The following PTMS variants were observed in gnomAD, a reference collection of about 807,000 sequenced individuals.
The protein encoded by PTMS is parathymosin.
In PTMS, 5 loss-of-function variants were observed where a neutral mutation model predicts 18.4. That is an observed-to-expected ratio of 0.27 (90% CI 0.14 to 0.57). PTMS has a LOEUF of 0.57. PTMS is among the 20% of genes least tolerant of loss of function. PTMS has a pLI of 0.92. For synonymous variants in PTMS, 53 were observed against 47.7 expected, an observed-to-expected ratio of 1.11 and a Z score of -0.46; for missense variants, 93 against 124.6, an observed-to-expected ratio of 0.75 and a Z score of 1.21.
In PTMS at chr12:6,770,755, A is replaced by C; in HGVS notation, c.*313A>C. On this transcript the variant is annotated 3_prime_UTR_variant, in exon 5 of 5. Coordinates refer to ENST00000309083, the MANE Select transcript of PTMS (RefSeq NM_002824.6). The surrounding 1 kb of genome is among the most constrained non-coding windows in gnomAD (Gnocchi z 7.3). ...CATTCTTCCTCCGGTAGCCTCTCCC[A>C]CCTAACCTCTGCATCCCCCAGCCTC... 2.2e-6 allele frequency: 1 copy of C among 445,610 alleles called. No homozygotes were observed. Among genetic ancestry groups the C allele is most frequent in the Non-Finnish European group, 4.2e-6 (1 of 240,290 alleles). 27.6% of individuals were successfully genotyped at this position (445,610 alleles called of 1,614,324 possible).
In PTMS at chr12:6,770,554, G is replaced by C. The variant is rs1941825799; in HGVS notation, c.*112G>C. On this transcript the variant is annotated 3_prime_UTR_variant, in exon 5 of 5. Transcript: ENST00000309083. The surrounding 1 kb of genome is among the most constrained non-coding windows in gnomAD (Gnocchi z 7.3). ...GCTCCCTGCTCTGGGCCCTGCACCA[G>C]AGCTGCCACCCTCTTCTTTCTCCCC... 1 of 1,265,108 alleles carries C rather than the reference G, an allele frequency of 7.9e-7. No individual in the cohort carries two copies. Among genetic ancestry groups the C allele is most frequent in the African/African-American group, 1.5e-5 (1 of 67,530 alleles). The allele number at this position is 1,265,108 out of a possible 1,614,324, so 78.4% of individuals were successfully genotyped here.
At chr12:6,769,727 A>C in intron 2 of PTMS, 53 bp downstream of exon 2, 1 of 1,607,948 alleles carries the variant, frequency 6.2e-7, no homozygotes, top group Non-Finnish European at 8.5e-7. Flanking sequence ...TTCCCTCCCA[A>C]TCATCTCATC....
chr12:6,769,180 A>G (rs971309710), intron 1 of PTMS: 3 of 244,048 alleles, frequency 1.2e-5, no homozygotes, highest in Admixed American at 5.7e-5. Flanking sequence ...CCCCAGAGGT[A>G]GACAAAAGGC....
chr12:6,767,558 T>TG (rs1423748090), intron 1 of PTMS: 1 of 103,234 alleles, frequency 9.7e-6, no homozygotes, highest in African/African-American at 4.0e-5. Context: ...GGCCGGGGTT[T>TG]GGGGGCTGGG....
Position 6,766,507 on chromosome 12 carries a change from C to T in PTMS, c.-199C>T. 3 of 236,970 alleles carry T rather than the reference C, an allele frequency of 1.3e-5. No homozygotes were observed. Among genetic ancestry groups the T allele is most frequent in the South Asian group, 3.7e-5 (1 of 27,052 alleles). The allele number at this position is 236,970 out of a possible 1,614,324, so 14.7% of individuals were successfully genotyped here. A position where few individuals can be genotyped will look rare whatever the true frequency, so the allele number is the denominator to read the frequency against. The stretch of plus-strand genomic sequence containing the variant: ...CAGCCCTGCGGGTCTCCGCTCCAGA[C>T]CCACCCCCGCCCCACCCCGCGCGCC... On this transcript the variant is annotated 5_prime_UTR_variant, in exon 1 of 5. Transcript: ENST00000309083.
chr12:6,768,172 A>G (rs1460745276), intron 1 of PTMS, among the ~76,000 whole-genome samples: 2 of 152,174 alleles, frequency 1.3e-5, no homozygotes, highest in Non-Finnish European at 2.9e-5. Context: ...CGGCCCCTTG[A>G]ACTTTGGTCT....
Position 6,769,816 on chromosome 12 carries a change from GC to G in PTMS, c.118-102del, listed in dbSNP as rs755762459. 3 of 1,607,868 alleles carry G rather than the reference GC, an allele frequency of 1.9e-6. No homozygotes were observed. The African/African-American group carries it at 4.0e-5, about 22-fold the overall frequency. ...GTCACCCTTGCTGCCCCACCCTGTG[GC>G]CCATCCCAAGCCCTTTTATCACCCA... is the stretch of plus-strand genomic sequence containing the variant. On this transcript the variant is annotated intron_variant, in intron 2 of 4. Transcript: ENST00000309083.
chr12:6,769,735 A>G, intron 2 of PTMS, 61 bp downstream of exon 2: 1 of 1,598,186 alleles, frequency 6.3e-7, no homozygotes, highest in African/African-American at 1.3e-5. Flanking sequence ...CAATCATCTC[A>G]TCCTTCCTCT....
At chr12:6,767,605 G>T (rs1218067449) in intron 1 of PTMS, 1 of 138,292 alleles carries the variant, frequency 7.2e-6, no homozygotes, top group African/African-American at 2.7e-5. Flanking sequence ...TGGCGGGGGG[G>T]GGGGGCGCGG....
rs1344566156 is a variant in PTMS, at chr12:6,766,374, G to C, written c.-332G>C. Reference sequence around the variant, plus strand: ...TTCCCGGGGGCGGCAGCGGCTGGTCGGCGGCAGCTCTGCTGGTGCGGGGGC... The same window carrying C: ...TTCCCGGGGGCGGCAGCGGCTGGTCCGCGGCAGCTCTGCTGGTGCGGGGGC... On this transcript the variant is annotated 5_prime_UTR_variant, in exon 1 of 5. Coordinates refer to ENST00000309083, the MANE Select transcript of PTMS (RefSeq NM_002824.6). The C allele has an allele frequency of 6.5e-6, 1 of 154,784 alleles. No homozygotes were observed. The highest frequency in any genetic ancestry group is 1.4e-5 in the Non-Finnish European group (1 of 69,874). The allele number at this position is 154,784 out of a possible 1,614,324, so 9.6% of individuals were successfully genotyped here. A position where few individuals can be genotyped will look rare whatever the true frequency, so the allele number is the denominator to read the frequency against.
At chr12:6,767,122 G>C (rs1882551) in intron 1 of PTMS, 30,764 of 152,598 alleles carry the variant, frequency 0.2, 3,447 homozygotes, top group East Asian at 0.27. Context: ...CCGCGTCTTT[G>C]CTTGCAACCT....
At position 6,769,609 on chromosome 12, in the gene PTMS, AAGG is replaced by A. The variant is rs1406800152; in HGVS notation, c.55_57del (p.Glu19del). On this transcript the variant is annotated inframe_deletion, in exon 2 of 5. Coordinates refer to ENST00000309083, the MANE Select transcript of PTMS (RefSeq NM_002824.6). The stretch of plus-strand genomic sequence containing the variant: ...ACCTCTTTCTCCTTTGCAGGACCTG[AAGG>A]AGAAGAAGGAGAAGGTGGAGGAGAA... 6.2e-7 allele frequency: 1 copy of A among 1,614,124 alleles called. No homozygotes were observed. The highest frequency in any genetic ancestry group is 8.5e-7 in the Non-Finnish European group (1 of 1,179,996).
rs1941826014 is a variant in PTMS at position 6,770,574 on chromosome 12, C to G, written c.*132C>G. ...CACCAGAGCTGCCACCCTCTTCTTT[C>G]TCCCCAGCCTTCTCATTTCCGCCTC... On this transcript the variant is annotated 3_prime_UTR_variant, in exon 5 of 5. Coordinates refer to ENST00000309083, the MANE Select transcript of PTMS (RefSeq NM_002824.6). This position sits in a 1 kb window ranked among gnomAD's most constrained non-coding sequence, Gnocchi z 7.3. 1 of 1,056,468 alleles carries G rather than the reference C, an allele frequency of 9.5e-7. No homozygotes were observed. The highest frequency in any genetic ancestry group is 1.4e-6 in the Non-Finnish European group (1 of 705,404). The allele number at this position is 1,056,468 out of a possible 1,614,324, so 65.4% of individuals were successfully genotyped here.
chr12:6,769,514 G>A, intron 1 of PTMS, 89 bp from the exon 2 acceptor site: 1 of 1,389,730 alleles, frequency 7.2e-7, no homozygotes, highest in Non-Finnish European at 1.0e-6. Context: ...ACACCTCTAA[G>A]CTCACTACAG....
chr12:6,768,397 G>A (rs1420956396), intron 1 of PTMS, among the ~76,000 whole-genome samples: 1 of 152,184 alleles, frequency 6.6e-6, no homozygotes, highest in East Asian at 1.9e-4. Flanking sequence ...ACCCTCTCTG[G>A]AGTGAGAGTG....
rs201740840 is a variant in PTMS, at chr12:6,770,328, G to A, written c.259-64G>A. 8.6e-4 allele frequency: 1,385 copies of A among 1,608,662 alleles called. 2 individuals carry two copies. The highest frequency in any genetic ancestry group is 1.1e-3 in the Non-Finnish European group (1,332 of 1,175,104). On this transcript the variant is annotated intron_variant, in intron 4 of 4. Coordinates refer to ENST00000309083, the MANE Select transcript of PTMS (RefSeq NM_002824.6). The surrounding 1 kb of genome is among the most constrained non-coding windows in gnomAD (Gnocchi z 7.3). The stretch of plus-strand genomic sequence containing the variant: ...GTGGCAGGGGTGGGGGCTGGAACAG[G>A]ACCGGGACAGGGGGAGGTCTCCCCT...
In PTMS at chr12:6,766,732, G is replaced by A; in HGVS notation, c.27G>A (p.Ala9=). Residue 9 remains alanine, a synonymous_variant, in exon 1 of 5, where the codon GCG becomes GCA. Coordinates refer to ENST00000309083, the MANE Select transcript of PTMS (RefSeq NM_002824.6). ...TGTCGGAGAAAAGCGTGGAGGCAGC[G>A]GCCGAGTTGAGCGCCAAGGTACGGG... MSEKSVEA[A]AELSAKDLKE... is the part of the protein sequence containing the mutation. 2.7e-6 allele frequency: 3 copies of A among 1,101,828 alleles called. No homozygotes were observed. The highest frequency in any genetic ancestry group is 2.2e-6 in the Non-Finnish European group (2 of 905,344). 68.3% of individuals were successfully genotyped at this position (1,101,828 alleles called of 1,614,324 possible). A position where few individuals can be genotyped will look rare whatever the true frequency, so the allele number is the denominator to read the frequency against.
At position 6,766,689 on chromosome 12, in the gene PTMS, G is replaced by A. The variant is rs1230297748; in HGVS notation, c.-17G>A. On this transcript the variant is annotated 5_prime_UTR_variant, in exon 1 of 5. Coordinates refer to ENST00000309083, the MANE Select transcript of PTMS (RefSeq NM_002824.6). ...GGACCCCGGCTCCCCGCCAGCCCCGGCCCCGGCCCCGGCACCATGTCGGAG... is the reference window on the plus strand; with the variant it reads ...GGACCCCGGCTCCCCGCCAGCCCCGACCCCGGCCCCGGCACCATGTCGGAG... The A allele has an allele frequency of 2.7e-6, 3 of 1,127,486 alleles. No homozygotes were observed. Among genetic ancestry groups the A allele is most frequent in the Admixed American group, 4.2e-5 (1 of 23,958 alleles). The allele number at this position is 1,127,486 out of a possible 1,614,324, so 69.8% of individuals were successfully genotyped here.
intron 1 of PTMS, 133 bp downstream of exon 1, chr12:6,766,883 C>G (rs1377370510): frequency 2.2e-6 from 1 of 460,446 alleles, no homozygotes; most frequent in Non-Finnish European, 2.9e-6. Flanking sequence ...CTGCGCCCTC[C>G]CACCGCTCCC....
Sources: gnomAD v4.1 joint callset for allele counts (sites outside exome capture counted in the v4.1 genomes callset) on GRCh38, gnomAD v4.1.1 for gene constraint, Gnocchi (gnomAD v3.1) non-coding constraint, MANE v1.5 for transcripts, NCBI Gene and HGNC (gene_info 2026-07-23, HGNC 2026-07-21) for gene names.